The following UNC79 variants were observed in gnomAD, a reference collection of about 807,000 sequenced individuals.
UNC79 encodes the protein unc-79 subunit of NALCN channel complex.
Under a neutral mutation model 283.1 loss-of-function variants are expected in UNC79, and 37 were observed. The observed-to-expected ratio is 0.13, with a 90% CI of 0.10 to 0.17. The LOEUF is 0.17. Ranked by LOEUF, UNC79 falls within the 10% of genes least tolerant of loss-of-function variation. The pLI is 1.00. For missense variants in UNC79, 2,272 were observed against 3,211.1 expected (o/e 0.71, Z 7.07); for synonymous variants, 1,107 against 1,200.2 (o/e 0.92, Z 1.61).
intron 20 of UNC79, 97 bp from the exon 21 acceptor site, chr14:93,586,499 T>G (rs1261437002): frequency 8.7e-7 from 1 of 1,154,686 alleles, no homozygotes; most frequent in African/African-American, 1.6e-5. Flanking sequence ...TATATGTCAA[T>G]TTTTTACTCT....
At chr14:93,366,571 C>CTTT (rs370391512) in intron 1 of UNC79, among the ~76,000 whole-genome samples, 1 of 139,666 alleles carries the variant, frequency 7.2e-6, no homozygotes, top group Non-Finnish European at 1.6e-5. Context: ...TTTTTTTATT[C>CTTT]TTTTTTTTTT....
chr14:93,643,416 A>G (rs1198462931), intron 33 of UNC79, 141 bp from the exon 37 acceptor site: 5 of 1,143,694 alleles, frequency 4.4e-6, no homozygotes, highest in Non-Finnish European at 3.8e-6. Context: ...GGAATCCTCT[A>G]CTGATTACCA....
intron 1 of UNC79, among the ~76,000 whole-genome samples, chr14:93,371,479 A>C (rs995659211): frequency 1.3e-5 from 2 of 152,166 alleles, no homozygotes; most frequent in African/African-American, 4.8e-5. Context: ...GTTTTCAATG[A>C]AAACGCAGAA....
intron 31 of UNC79, 45 bp from the exon 35 acceptor site, chr14:93,637,171 C>A: frequency 1.1e-6 from 1 of 928,510 alleles, no homozygotes; most frequent in Non-Finnish European, 1.8e-6. Context: ...CTAAATGGTG[C>A]TAAGATGACC....
intron 38 of UNC79, 42 bp downstream of exon 41, chr14:93,655,449 C>T (rs778169073): frequency 6.9e-6 from 11 of 1,596,430 alleles, no homozygotes; most frequent in South Asian, 2.2e-5. Context: ...AATTTCTTAC[C>T]ATTTTCAGAC....
At chr14:93,573,425 A>G (rs551396155) in intron 16 of UNC79, among the ~76,000 whole-genome samples, 14 of 152,084 alleles carry the variant, frequency 9.2e-5, no homozygotes, top group Non-Finnish European at 1.9e-4. Flanking sequence ...TCATTTCTGT[A>G]TTTATAACCC....
At chr14:93,396,073 ATTCT>A (rs773625693) in intron 1 of UNC79, among the ~76,000 whole-genome samples, 52 of 151,128 alleles carry the variant, frequency 3.4e-4, no homozygotes, top group South Asian at 2.3e-3. Flanking sequence ...ATTTTTCTTC[ATTCT>A]TTCTTTTTTT....
chr14:93,590,864 C>A (rs77180968), intron 22 of UNC79, among the ~76,000 whole-genome samples: 1 of 152,214 alleles, frequency 6.6e-6, no homozygotes, highest in Non-Finnish European at 1.5e-5. Flanking sequence ...CATGAAGGCA[C>A]AAATTATATC....
intron 26 of UNC79, 97 bp from the exon 28 acceptor site, chr14:93,612,700 G>A (rs555106491): frequency 1.0e-5 from 15 of 1,485,640 alleles, no homozygotes; most frequent in African/African-American, 7.0e-5. Flanking sequence ...TTTTGTAGAC[G>A]CAGAAACAAG....
chr14:93,648,354 G>A (rs1206995456), intron 35 of UNC79, among the ~76,000 whole-genome samples: 3 of 152,118 alleles, frequency 2.0e-5, no homozygotes, highest in African/African-American at 7.2e-5. Flanking sequence ...ATGGGGAAGG[G>A]GTAAAAATGG....
At chr14:93,465,160 C>A (rs2057120921) in intron 1 of UNC79, among the ~76,000 whole-genome samples, 1 of 151,980 alleles carries the variant, frequency 6.6e-6, no homozygotes, top group Non-Finnish European at 1.5e-5. Context: ...TTATTGAGTA[C>A]CTACTAGGTG....
At chr14:93,680,774 T>A (rs2073782856) in intron 41 of UNC79, among the ~76,000 whole-genome samples, 1 of 151,958 alleles carries the variant, frequency 6.6e-6, no homozygotes. Context: ...CACCTCAGCC[T>A]CCCAAAGTGC....
chr14:93,521,316 G>A (rs1369195725), intron 7 of UNC79, among the ~76,000 whole-genome samples: 1 of 151,958 alleles, frequency 6.6e-6, no homozygotes, highest in Non-Finnish European at 1.5e-5. Context: ...GCCTCATAGA[G>A]TTTTACCTTA....
At chr14:93,363,050 ATGTTGGGT>A (rs1352729607) in intron 1 of UNC79, among the ~76,000 whole-genome samples, 1 of 151,652 alleles carries the variant, frequency 6.6e-6, no homozygotes, top group African/African-American at 2.4e-5. Flanking sequence ...TCTAAGTGTG[ATGTTGGGT>A]TGTTAATATG....
chr14:93,406,244 A>G (rs1187542017), intron 1 of UNC79, among the ~76,000 whole-genome samples: 1 of 152,130 alleles, frequency 6.6e-6, no homozygotes, highest in East Asian at 1.9e-4. Flanking sequence ...AAAAAATAGT[A>G]TATTAGGATC....
At chr14:93,609,202 AAATTGTTGGGGGAGGGTAGAGAACC>A (rs2139697879) in intron 26 of UNC79, among the ~76,000 whole-genome samples, 1 of 152,316 alleles carries the variant, frequency 6.6e-6, no homozygotes, top group African/African-American at 2.4e-5. Context: ...TTATAGCACA[AAATTGTTGGGGGAGGGTAGAGAACC>A]ACCTTGCAAG....
At chr14:93,611,673 G>A (rs1033944354) in intron 26 of UNC79, among the ~76,000 whole-genome samples, 7 of 152,090 alleles carry the variant, frequency 4.6e-5, no homozygotes, top group African/African-American at 1.4e-4. Context: ...CCTTTATACC[G>A]TAATAATAAT....
intron 1 of UNC79, among the ~76,000 whole-genome samples, chr14:93,371,583 G>A (rs777892475): frequency 7.2e-5 from 11 of 152,122 alleles, no homozygotes; most frequent in Non-Finnish European, 1.3e-4. Flanking sequence ...GCTCACGCCT[G>A]TAATCCCAGC....
intron 1 of UNC79, among the ~76,000 whole-genome samples, chr14:93,338,805 T>C (rs2053638505): frequency 6.6e-6 from 1 of 152,072 alleles, no homozygotes; most frequent in Non-Finnish European, 1.5e-5. Context: ...GCTATTCAGG[T>C]GGCTGAGGTG....
Sources: allele counts gnomAD v4.1 joint callset (sites outside exome capture counted in the v4.1 genomes callset), GRCh38; gene constraint gnomAD v4.1.1; transcripts MANE v1.5; gene names NCBI Gene and HGNC (gene_info 2026-07-23, HGNC 2026-07-21).